The following ARMC2 variants were observed in gnomAD, a reference collection of about 807,000 sequenced individuals.
ARMC2 encodes armadillo repeat-containing protein 2.
ARMC2 carries 67 observed loss-of-function variants against 90.3 expected under a neutral mutation model. That is an observed-to-expected ratio of 0.74 (90% confidence interval 0.61 to 0.91). The LOEUF (loss-of-function observed/expected upper bound fraction) is 0.91. ARMC2 is among the 40% of genes least tolerant of loss of function. ARMC2 has a pLI of 0.00. For missense variants in ARMC2, 920 were observed against 1,030.9 expected (o/e 0.89, Z 1.47); for synonymous variants, 393 against 393.0 (o/e 1.00, Z 0.00).
intron 10 of ARMC2, among the ~76,000 whole-genome samples, chr6:108,912,783 C>T (rs543525269): frequency 1.3e-5 from 2 of 152,140 alleles, no homozygotes; most frequent in East Asian, 1.9e-4. Context: ...ACACAGCATG[C>T]GCTTTCACTG....
chr6:108,984,564 A>T, the ARMC2 span, among the ~76,000 whole-genome samples: 1 of 152,220 alleles, frequency 6.6e-6, no homozygotes, highest in Admixed American at 6.5e-5. Context: ...ATTACATTTC[A>T]GCATACAACA....
chr6:109,009,382 C>T, the ARMC2 span: 12 of 1,468,106 alleles, frequency 8.2e-6, no homozygotes, highest in Non-Finnish European at 9.9e-6. Flanking sequence ...CGGCCCCCGC[C>T]GCACTGCTTG....
the ARMC2 span, among the ~76,000 whole-genome samples, chr6:109,017,144 C>T: frequency 6.6e-6 from 1 of 152,034 alleles, no homozygotes; most frequent in Non-Finnish European, 1.5e-5. Context: ...TGTTGTAGTT[C>T]CCACAGCTTT....
At chr6:108,962,642 C>T (rs1778078864) in intron 15 of ARMC2, among the ~76,000 whole-genome samples, 1 of 152,194 alleles carries the variant, frequency 6.6e-6, no homozygotes, top group African/African-American at 2.4e-5. Context: ...GGTATTGCTT[C>T]TGCACAGGTA....
chr6:109,014,235 C>T, the ARMC2 span, among the ~76,000 whole-genome samples: 4 of 152,174 alleles, frequency 2.6e-5, no homozygotes, highest in Admixed American at 2.0e-4. Flanking sequence ...GCTTTTACCC[C>T]AAAATCAATG....
intron 10 of ARMC2, among the ~76,000 whole-genome samples, chr6:108,912,943 C>T (rs142469565): frequency 6.6e-5 from 10 of 152,276 alleles, no homozygotes; most frequent in Admixed American, 3.3e-4. Context: ...TAGCTAATGT[C>T]ATTACTCTTG....
intron 8 of ARMC2, among the ~76,000 whole-genome samples, chr6:108,904,710 G>T (rs969146851): frequency 2.0e-5 from 3 of 152,020 alleles, no homozygotes; most frequent in Admixed American, 6.5e-5. Flanking sequence ...AGAAATAACC[G>T]TAGGCAAATA....
chr6:108,962,222 T>C (rs1778049827), intron 15 of ARMC2, 95 bp downstream of exon 15: 4 of 1,025,458 alleles, frequency 3.9e-6, no homozygotes, highest in South Asian at 1.5e-5. Flanking sequence ...GTTATACTTG[T>C]TTCCGTTTTG....
chr6:109,015,245 A>C, the ARMC2 span, among the ~76,000 whole-genome samples: 2 of 152,174 alleles, frequency 1.3e-5, no homozygotes, highest in Non-Finnish European at 2.9e-5. Context: ...TCTGTCTTTC[A>C]GAATCTCTCC....
chr6:108,959,869 G>A (rs1347477779), intron 13 of ARMC2, among the ~76,000 whole-genome samples: 2 of 151,622 alleles, frequency 1.3e-5, no homozygotes, highest in East Asian at 3.9e-4. Context: ...TATTTTTAGT[G>A]GAGACGGGGT....
At chr6:108,929,808 T>C (rs891952712) in intron 11 of ARMC2, among the ~76,000 whole-genome samples, 4 of 152,088 alleles carry the variant, frequency 2.6e-5, no homozygotes, top group Non-Finnish European at 4.4e-5. Flanking sequence ...TTTTTTCTCC[T>C]TTAAGATCCA....
At chr6:108,971,456 A>G (rs1778759485) in intron 17 of ARMC2, among the ~76,000 whole-genome samples, 2 of 152,148 alleles carry the variant, frequency 1.3e-5, no homozygotes, top group Admixed American at 6.5e-5. Context: ...GGTTGTGATG[A>G]GAGGAAGGTA....
intron 5 of ARMC2, among the ~76,000 whole-genome samples, chr6:108,890,509 G>A (rs1385062520): frequency 6.6e-6 from 1 of 152,022 alleles, no homozygotes; most frequent in Non-Finnish European, 1.5e-5. Flanking sequence ...AGGATTGCTT[G>A]AGGCCAGGAA....
At chr6:108,851,196 C>T (rs373107426) in intron 1 of ARMC2, among the ~76,000 whole-genome samples, 11 of 152,122 alleles carry the variant, frequency 7.2e-5, no homozygotes, top group South Asian at 4.1e-4. Flanking sequence ...TGATGCTCTG[C>T]GCTGGCTCAC....
chr6:109,009,538 T>C, the ARMC2 span: 7 of 1,145,182 alleles, frequency 6.1e-6, no homozygotes, highest in South Asian at 2.2e-4. Flanking sequence ...CTGCAGCGCC[T>C]CAGTCAGCAC....
chr6:108,850,687 T>C (rs1338633545), intron 1 of ARMC2, among the ~76,000 whole-genome samples: 2 of 152,238 alleles, frequency 1.3e-5, no homozygotes, highest in Admixed American at 6.5e-5. Flanking sequence ...TTAGAGAAAC[T>C]ATGCAGCCTT....
chr6:108,857,953 AG>A (rs1305716994), intron 2 of ARMC2, among the ~76,000 whole-genome samples: 1 of 152,238 alleles, frequency 6.6e-6, no homozygotes, highest in East Asian at 1.9e-4. Context: ...ATATGAACAA[AG>A]CTTTTTAAAA....
At chr6:109,053,010 G>A in the ARMC2 span, among the ~76,000 whole-genome samples, 10 of 152,006 alleles carry the variant, frequency 6.6e-5, no homozygotes, top group African/African-American at 2.4e-4. Flanking sequence ...GGTCATATAC[G>A]TCACTATTCA....
intron 10 of ARMC2, among the ~76,000 whole-genome samples, chr6:108,913,928 G>T (rs957766685): frequency 6.6e-6 from 1 of 152,094 alleles, no homozygotes; most frequent in African/African-American, 2.4e-5. Flanking sequence ...AAAATCCCTT[G>T]AGTTAACCCT....
Sources: gnomAD v4.1 joint callset for allele counts (sites outside exome capture counted in the v4.1 genomes callset) on GRCh38, gnomAD v4.1.1 for gene constraint, MANE v1.5 for transcripts, NCBI Gene and HGNC (gene_info 2026-07-23, HGNC 2026-07-21) for gene names.